The following MAP2 variants were observed in gnomAD, a reference collection of about 807,000 sequenced individuals.
MAP2 encodes the protein microtubule associated protein 2, also known as microtubule-associated protein 2.
MAP2 carries 14 observed loss-of-function variants against 137.6 expected under a neutral mutation model. The observed-to-expected ratio is 0.10, with a 90% CI of 0.07 to 0.16. The LOEUF is 0.16. Among genes scored for constraint, MAP2 ranks in the 10% least tolerant of loss-of-function variants. MAP2 has a pLI of 1.00. For synonymous variants in MAP2, 786 were observed against 782.3 expected (o/e 1.00, Z -0.08); for missense variants, 2,088 against 2,191.5 (o/e 0.95, Z 0.94).
intron 1 of MAP2, among the ~76,000 whole-genome samples, chr2:209,501,335 G>T (rs2060354327): frequency 6.6e-6 from 1 of 152,078 alleles, no homozygotes; most frequent in African/African-American, 2.4e-5. Context: ...TTTTCATCTT[G>T]TATTCCTTGT....
chr2:209,680,031 G>T (rs1475545217), intron 6 of MAP2, among the ~76,000 whole-genome samples: 1 of 152,110 alleles, frequency 6.6e-6, no homozygotes, highest in East Asian at 1.9e-4. Flanking sequence ...CACAAATCAT[G>T]TAAGTGTCTT....
At chr2:209,720,833 A>G (rs1275806976) in intron 13 of MAP2, among the ~76,000 whole-genome samples, 1 of 152,058 alleles carries the variant, frequency 6.6e-6, no homozygotes, top group African/African-American at 2.4e-5. Flanking sequence ...CTCTTGACAT[A>G]GGTTTTTAGG....
At position 209,692,886 on chromosome 2, in the gene MAP2, A is replaced by G. The variant is rs1323531015; in HGVS notation, c.716A>G (p.Gln239Arg). The change falls in exon 8 of 16, where the codon CAG becomes CGG. Residue 239 changes from glutamine (Q) to arginine (R), a missense_variant. By Grantham distance (43) the Gln-to-Arg change is conservative. This residue lies in a region of MAP2 where 859 missense variants were observed against 794.5 expected (regional missense o/e 1.08). Coordinates refer to ENST00000682079, the MANE Select transcript of MAP2 (RefSeq NM_001375505.1). ...TLVASLEDMK[Q>R]KTEPSLVVPG... ...GTTGCCAGCCTGGAAGACATGAAACAGAAGACAGAACCAAGCCTTGTAGTA... is the reference window on the plus strand; with the variant it reads ...GTTGCCAGCCTGGAAGACATGAAACGGAAGACAGAACCAAGCCTTGTAGTA... 1 of 1,614,094 alleles carries G rather than the reference A, an allele frequency of 6.2e-7. No homozygotes were observed. Among genetic ancestry groups the G allele is most frequent in the Non-Finnish European group, 8.5e-7 (1 of 1,179,988 alleles).
At chr2:209,561,362 A>T (rs2153347826) in intron 2 of MAP2, among the ~76,000 whole-genome samples, 1 of 152,362 alleles carries the variant, frequency 6.6e-6, no homozygotes, top group Admixed American at 6.5e-5. Flanking sequence ...AATACTGAAC[A>T]GAACAGGCCA....
chr2:209,539,292 A>G (rs1005086908), intron 2 of MAP2, among the ~76,000 whole-genome samples: 3 of 152,188 alleles, frequency 2.0e-5, no homozygotes, highest in African/African-American at 7.2e-5. Context: ...CATTTCTGTA[A>G]TTGTTGTGAA....
chr2:209,713,196 TA>T (rs1351614493), intron 13 of MAP2, among the ~76,000 whole-genome samples: 1 of 152,224 alleles, frequency 6.6e-6, no homozygotes, highest in Non-Finnish European at 1.5e-5. Flanking sequence ...ATTGGGGTTT[TA>T]AAATTTGTGC....
chr2:209,426,452 G>T (rs1397125651), intron 1 of MAP2, among the ~76,000 whole-genome samples: 1 of 152,008 alleles, frequency 6.6e-6, no homozygotes, highest in Non-Finnish European at 1.5e-5. Context: ...GTGTTTTCAA[G>T]AATTTTGAAT....
intron 1 of MAP2, among the ~76,000 whole-genome samples, chr2:209,434,437 C>T (rs578138019): frequency 6.6e-6 from 1 of 151,348 alleles, no homozygotes; most frequent in Non-Finnish European, 1.5e-5. Context: ...TTTGTTTAAG[C>T]CTCTTTCCTT....
chr2:209,487,933 G>T (rs903666503), intron 1 of MAP2, among the ~76,000 whole-genome samples: 3 of 152,146 alleles, frequency 2.0e-5, no homozygotes, highest in Non-Finnish European at 4.4e-5. Flanking sequence ...AGAACTTTTT[G>T]CCATACATCT....
intron 1 of MAP2, among the ~76,000 whole-genome samples, chr2:209,482,583 A>T (rs760700787): frequency 6.6e-6 from 1 of 152,208 alleles, no homozygotes; most frequent in Non-Finnish European, 1.5e-5. Flanking sequence ...ATGAAGAATT[A>T]AACCTCCATT....
chr2:209,447,704 T>G (rs1439882646), intron 1 of MAP2, among the ~76,000 whole-genome samples: 1 of 152,078 alleles, frequency 6.6e-6, no homozygotes, highest in African/African-American at 2.4e-5. Context: ...TTCAAGCCAG[T>G]GTCAGGTTGT....
At chr2:209,494,801 G>C (rs1453643362) in intron 1 of MAP2, among the ~76,000 whole-genome samples, 1 of 152,164 alleles carries the variant, frequency 6.6e-6, no homozygotes, top group Admixed American at 6.5e-5. Flanking sequence ...AGAACTAAAA[G>C]AGATTGAGAT....
At chr2:209,689,205 G>A (rs1443407501) in intron 7 of MAP2, among the ~76,000 whole-genome samples, 5 of 151,860 alleles carry the variant, frequency 3.3e-5, no homozygotes, top group African/African-American at 4.8e-5. Flanking sequence ...AAAATAACAA[G>A]TTAGAATTTA....
intron 11 of MAP2, among the ~76,000 whole-genome samples, chr2:209,701,561 A>G (rs2061767520): frequency 6.6e-6 from 1 of 152,044 alleles, no homozygotes; most frequent in Non-Finnish European, 1.5e-5. Context: ...GTAAATCACA[A>G]TTCTTAGCTT....
intron 2 of MAP2, among the ~76,000 whole-genome samples, chr2:209,543,961 G>T (rs2067510604): frequency 6.6e-6 from 1 of 152,188 alleles, no homozygotes. Flanking sequence ...CTGGCATGGT[G>T]GCTCACGCCT....
chr2:209,684,834 A>C (rs969010033), intron 7 of MAP2, among the ~76,000 whole-genome samples: 3 of 152,190 alleles, frequency 2.0e-5, no homozygotes, highest in Admixed American at 6.5e-5. Context: ...GCATGCATTC[A>C]ATCCTGACCT....
chr2:209,711,539 A>G (rs370003658), intron 13 of MAP2, among the ~76,000 whole-genome samples: 37 of 152,328 alleles, frequency 2.4e-4, no homozygotes, highest in African/African-American at 7.9e-4. Context: ...ACTTTTTCAC[A>G]GACAGATGCT....
intron 4 of MAP2, among the ~76,000 whole-genome samples, chr2:209,630,282 C>T (rs2092852115): frequency 6.6e-6 from 1 of 151,936 alleles, no homozygotes; most frequent in East Asian, 1.9e-4. Context: ...TTCTCCCAAT[C>T]TCTCTGGGGC....
chr2:209,621,525 C>T (rs2091193591), intron 3 of MAP2, among the ~76,000 whole-genome samples: 1 of 151,964 alleles, frequency 6.6e-6, no homozygotes, highest in Non-Finnish European at 1.5e-5. Flanking sequence ...TCCCAAAGTG[C>T]TAGGATTACA....
Sources: allele counts gnomAD v4.1 joint callset (sites outside exome capture counted in the v4.1 genomes callset), GRCh38; gene constraint gnomAD v4.1.1; regional missense constraint gnomAD v4.1.1; transcripts MANE v1.5; gene names NCBI Gene and HGNC (gene_info 2026-07-23, HGNC 2026-07-21).